The following NAALADL2 variants were observed in gnomAD, a reference collection of about 807,000 sequenced individuals.
The protein encoded by NAALADL2 is inactive N-acetylated-alpha-linked acidic dipeptidase-like protein 2.
In NAALADL2, 76 loss-of-function variants were observed where a neutral mutation model predicts 87.2. The observed-to-expected ratio is 0.87, with a 90% CI of 0.72 to 1.05. The LOEUF is 1.05. Among genes scored for constraint, NAALADL2 ranks in the 50% least tolerant of loss-of-function variants. The probability of loss-of-function intolerance (pLI) is 0.00; values close to 1 mark genes in which losing one functional copy is unlikely to be tolerated. For missense variants in NAALADL2, 1,089 were observed against 945.8 expected (o/e 1.15, Z -1.99); for synonymous variants, 354 against 331.0 (o/e 1.07, Z -0.75).
chr3:174,471,584 G>T (rs1716909605), intron 1 of NAALADL2, among the ~76,000 whole-genome samples: 1 of 151,522 alleles, frequency 6.6e-6, no homozygotes, highest in South Asian at 2.1e-4. Context: ...TTTTTTAAGA[G>T]ATTTTATATT....
intron 13 of NAALADL2, among the ~76,000 whole-genome samples, chr3:175,798,696 T>C (rs374316014): frequency 1.3e-5 from 2 of 152,034 alleles, no homozygotes; most frequent in South Asian, 4.1e-4. Context: ...ACCTGAACAT[T>C]TTTTTAGGAT....
At chr3:175,595,254 G>A (rs1397509688) in intron 10 of NAALADL2, among the ~76,000 whole-genome samples, 1 of 151,890 alleles carries the variant, frequency 6.6e-6, no homozygotes, top group African/African-American at 2.4e-5. Context: ...TGAATAAGGG[G>A]TCCTTTCTCC....
chr3:174,895,573 G>A (rs964475435), intron 1 of NAALADL2, among the ~76,000 whole-genome samples: 1 of 152,078 alleles, frequency 6.6e-6, no homozygotes, highest in Non-Finnish European at 1.5e-5. Flanking sequence ...GGACCTGATG[G>A]CTTCACTGCT....
chr3:175,400,979 C>A (rs1162670420), intron 5 of NAALADL2, among the ~76,000 whole-genome samples: 1 of 152,132 alleles, frequency 6.6e-6, no homozygotes, highest in Non-Finnish European at 1.5e-5. Flanking sequence ...AGCCAATCAG[C>A]CTTTATGCAG....
At chr3:175,329,121 T>C (rs1461120281) in intron 5 of NAALADL2, among the ~76,000 whole-genome samples, 2 of 152,218 alleles carry the variant, frequency 1.3e-5, no homozygotes, top group East Asian at 3.9e-4. Flanking sequence ...TACCAGTTAA[T>C]TGTTTGTCTT....
At position 174,728,231 on chromosome 3, in the gene NAALADL2, C is replaced by G. The variant is rs189640501; in HGVS notation, c.-114-9410C>G. ...AAGTTTTGACTCCTTTGGATACATACCAAGGAGCATGATTTCTGGATTGAA... is the reference window on the plus strand; with the variant it reads ...AAGTTTTGACTCCTTTGGATACATAGCAAGGAGCATGATTTCTGGATTGAA... On this transcript the variant is annotated intron_variant, in intron 2 of 3. Transcript: ENST00000434257. 8.5e-5 allele frequency among the ~76,000 whole-genome samples: 13 copies of G among 152,056 alleles called. No homozygotes were observed. The East Asian group carries it at 2.1e-3, about 25-fold the overall frequency.
At chr3:175,320,589 T>C (rs1759728680) in intron 4 of NAALADL2, among the ~76,000 whole-genome samples, 1 of 152,208 alleles carries the variant, frequency 6.6e-6, no homozygotes, top group South Asian at 2.1e-4. Context: ...TTCAACATTT[T>C]AATGACTGGT....
intron 11 of NAALADL2, among the ~76,000 whole-genome samples, chr3:175,684,193 A>G (rs1348370911): frequency 6.6e-6 from 1 of 152,144 alleles, no homozygotes; most frequent in Admixed American, 6.5e-5. Context: ...CAGCAGCAAC[A>G]ACAAAAATAT....
chr3:175,050,695 A>C (rs2109018460), intron 1 of NAALADL2, among the ~76,000 whole-genome samples: 1 of 152,328 alleles, frequency 6.6e-6, no homozygotes. Flanking sequence ...ATAAAGGTAA[A>C]GTTTTTCTAA....
At chr3:175,240,270 A>G (rs1746608589) in intron 3 of NAALADL2, among the ~76,000 whole-genome samples, 1 of 152,232 alleles carries the variant, frequency 6.6e-6, no homozygotes, top group South Asian at 2.1e-4. Context: ...CTTTGTGTGT[A>G]AAATATCAAT....
intron 3 of NAALADL2, among the ~76,000 whole-genome samples, chr3:174,770,616 G>A (rs554195763): frequency 2.8e-4 from 42 of 152,126 alleles, no homozygotes; most frequent in African/African-American, 2.9e-4. Flanking sequence ...CGAGGTGGGC[G>A]GATCACGAGG....
At chr3:175,563,661 A>G (rs1463042527) in intron 9 of NAALADL2, among the ~76,000 whole-genome samples, 1 of 152,180 alleles carries the variant, frequency 6.6e-6, no homozygotes, top group East Asian at 1.9e-4. Flanking sequence ...AGAAAGAGAG[A>G]CAAAAGAAAT....
intron 2 of NAALADL2, among the ~76,000 whole-genome samples, chr3:174,692,414 T>G (rs1728659869): frequency 6.6e-6 from 1 of 152,178 alleles, no homozygotes; most frequent in African/African-American, 2.4e-5. Context: ...CCTACTGAGA[T>G]TTAGTAGATT....
At chr3:174,487,693 GTGTT>G (rs1717939790) in intron 1 of NAALADL2, among the ~76,000 whole-genome samples, 1 of 145,630 alleles carries the variant, frequency 6.9e-6, no homozygotes, top group African/African-American at 2.6e-5. Flanking sequence ...TGGAGTAAGA[GTGTT>G]TTTTTTTTTT....
chr3:174,453,027 T>G (rs1048065306), intron 1 of NAALADL2, among the ~76,000 whole-genome samples: 1 of 152,042 alleles, frequency 6.6e-6, no homozygotes, highest in African/African-American at 2.4e-5. Context: ...CCAAGAAAGC[T>G]AAGAATCACA....
At chr3:174,661,547 C>CT (rs1553812311) in intron 2 of NAALADL2, among the ~76,000 whole-genome samples, 1 of 151,822 alleles carries the variant, frequency 6.6e-6, no homozygotes, top group Non-Finnish European at 1.5e-5. Flanking sequence ...GATGCTTCTT[C>CT]TTCTTCTTTC....
intron 9 of NAALADL2, among the ~76,000 whole-genome samples, chr3:175,533,240 C>A (rs2149448840): frequency 6.6e-6 from 1 of 152,336 alleles, no homozygotes; most frequent in South Asian, 2.1e-4. Context: ...CTCCCAATTT[C>A]TGCTTATATA....
chr3:174,636,349 T>G (rs918080607), intron 2 of NAALADL2, among the ~76,000 whole-genome samples: 4 of 152,160 alleles, frequency 2.6e-5, no homozygotes, highest in African/African-American at 9.7e-5. Flanking sequence ...GAGACTATAT[T>G]AAACTAAACA....
At chr3:175,779,120 G>C (rs1411986107) in intron 13 of NAALADL2, among the ~76,000 whole-genome samples, 1 of 152,182 alleles carries the variant, frequency 6.6e-6, no homozygotes, top group East Asian at 1.9e-4. Context: ...TGGCTTGTTA[G>C]TTCAACAAGA....
Sources: allele counts gnomAD v4.1 joint callset (sites outside exome capture counted in the v4.1 genomes callset), GRCh38; gene constraint gnomAD v4.1.1; transcripts MANE v1.5; gene names NCBI Gene and HGNC (gene_info 2026-07-23, HGNC 2026-07-21).